Variants in NOTCH1 observed in about 807,000 individuals in gnomAD.
NOTCH1 encodes the protein neurogenic locus notch homolog protein 1.
Under a neutral mutation model 254.8 loss-of-function variants are expected in NOTCH1, and 37 were observed. The observed-to-expected ratio is 0.15, with a 90% CI of 0.11 to 0.19. NOTCH1 has a LOEUF of 0.19. Among genes scored for constraint, NOTCH1 ranks in the 10% least tolerant of loss-of-function variants. The pLI, the probability that NOTCH1 is intolerant of heterozygous loss-of-function variation, is 1.00. For synonymous variants in NOTCH1, 1,731 were observed against 1,618.1 expected (o/e 1.07, Z -1.68); for missense variants, 2,972 against 3,708.6 (o/e 0.80, Z 5.16).
intron 2 of NOTCH1, among the ~76,000 whole-genome samples, chr9:136,535,698 A>T (rs1281429360): frequency 8.2e-5 from 2 of 24,404 alleles, no homozygotes; most frequent in African/African-American, 3.6e-4. Context: ...GATCCCTCCC[A>T]GGGGCAATGG....
Position 136,527,975 on chromosome 9 carries a change from G to A in NOTCH1, c.141-3996C>T, listed in dbSNP as rs953209392. 2.0e-5 allele frequency among the ~76,000 whole-genome samples: 3 copies of A among 152,086 alleles called. No individual in the cohort carries two copies. The East Asian group carries it at 5.8e-4, about 29-fold the overall frequency. On this transcript the variant is annotated intron_variant, in intron 2 of 33. Coordinates refer to ENST00000651671, the MANE Select transcript of NOTCH1 (RefSeq NM_017617.5). ...TGCCAGGGCCGCTCCATGGAAATGC[G>A]ACTCCAGAAAGCAGCAGGAGGCAGA...
intron 7 of NOTCH1, 93 bp from the exon 8 acceptor site, chr9:136,518,030 C>T: frequency 1.3e-6 from 2 of 1,563,736 alleles, no homozygotes; most frequent in South Asian, 2.3e-5. Flanking sequence ...GGCAGGGTCC[C>T]ATCCCCCATC....
At position 136,506,552 on chromosome 9, in the gene NOTCH1, C is replaced by T. The variant is rs1180096756; in HGVS notation, c.3989G>A (p.Arg1330His). 1.2e-5 allele frequency: 20 copies of T among 1,607,928 alleles called. No individual in the cohort carries two copies. Among genetic ancestry groups the T allele is most frequent in the East Asian group, 1.1e-4 (5 of 44,756 alleles). The change falls in exon 24 of 34, where the codon CGC becomes CAC. Residue 1330 changes from arginine (R) to histidine (H), a missense_variant. By Grantham distance (29) the Arg-to-His change is conservative (BLOSUM62 0). Transcript: ENST00000651671. The surrounding 1 kb of genome is among the most constrained non-coding windows in gnomAD (Gnocchi z 4.5). ...GTCAVASNTA[R>H]GFICKCPAGF... is the part of the protein sequence containing the mutation. ...CGCAGGGCACTTGCAGATGAACCCG[C>T]GGGCGGTGTTGGAGGCCACGGCGCA...
chr9:136,497,602 C>T (rs761248492), intron 33 of NOTCH1, 44 bp from the exon 34 acceptor site: 9 of 1,492,122 alleles, frequency 6.0e-6, no homozygotes, highest in South Asian at 1.3e-5. Flanking sequence ...CCAGGCCAGG[C>T]GTGGGGACCC....
chr9:136,499,389 C>T (rs888633371), intron 31 of NOTCH1, 130 bp from the exon 32 acceptor site: 14 of 1,366,762 alleles, frequency 1.0e-5, no homozygotes, highest in South Asian at 2.7e-5. Context: ...GAGATCGGCA[C>T]GGCCGGGCAA....
intron 2 of NOTCH1, among the ~76,000 whole-genome samples, chr9:136,528,588 G>A (rs1206740020): frequency 6.6e-6 from 1 of 150,994 alleles, no homozygotes; most frequent in Non-Finnish European, 1.5e-5. Context: ...GGCCTCTCCG[G>A]TGCACAGGAG....
Position 136,506,687 on chromosome 9 carries a change from C to A in NOTCH1, c.3901+29G>T, listed in dbSNP as rs373559374. The A allele has an allele frequency of 1.3e-6, 2 of 1,595,086 alleles. No individual in the cohort carries two copies. The highest frequency in any genetic ancestry group is 1.7e-6 in the Non-Finnish European group (2 of 1,171,690). The stretch of plus-strand genomic sequence containing the variant: ...GAGAGGCTCACCCTGCTGCCCCACA[C>A]GCCCCACCCGCCTGGGCGCGGCACC... On this transcript the variant is annotated intron_variant, in intron 23 of 33. Transcript: ENST00000651671. This position sits in a 1 kb window ranked among gnomAD's most constrained non-coding sequence, Gnocchi z 4.5.
intron 2 of NOTCH1, among the ~76,000 whole-genome samples, chr9:136,541,435 G>C (rs907125312): frequency 1.6e-4 from 24 of 152,166 alleles, no homozygotes; most frequent in Non-Finnish European, 4.4e-5. Context: ...GGCACCAAAA[G>C]CCAAAGCTCT....
intron 2 of NOTCH1, among the ~76,000 whole-genome samples, chr9:136,539,977 C>T (rs1293686423): frequency 2.6e-5 from 4 of 152,254 alleles, no homozygotes; most frequent in African/African-American, 9.6e-5. Flanking sequence ...CTCAGGCTGG[C>T]TGGGGCTGTG....
In NOTCH1 at chr9:136,496,671, G is replaced by A. The variant is rs1248005744; in HGVS notation, c.7068C>T (p.Ala2356=). 1.2e-6 allele frequency: 2 copies of A among 1,612,924 alleles called. No homozygotes were observed. The highest frequency in any genetic ancestry group is 2.2e-5 in the East Asian group (1 of 44,884). The part of the protein sequence containing the change: ...MVGPLHSSLA[A]SALSQMMSYQ... The stretch of plus-strand genomic sequence containing the variant: ...AGCTCATCATCTGGGACAGGGCGCT[G>A]GCAGCAAGGCTACTGTGCAGCGGGC... Residue 2356 remains alanine (A), a synonymous_variant, in exon 34 of 34, where the codon GCC becomes GCT. Transcript: ENST00000651671.
In NOTCH1 at chr9:136,508,105, C is replaced by T. The variant is rs2133346561; in HGVS notation, c.3360G>A (p.Gly1120=). 1.2e-6 allele frequency: 2 copies of T among 1,608,972 alleles called. No homozygotes were observed. The highest frequency in any genetic ancestry group is 1.1e-5 in the South Asian group (1 of 91,074). The part of the protein sequence containing the change: ...VDVARLCQHG[G]LCVDAGNTHH... ...GCGTGTTGCCCGCGTCCACACAGAG[C>T]CCTCCATGCTGGCACAGGCGGGCAA... The change falls in exon 21 of 34, where the codon GGG becomes GGA. Residue 1120 remains glycine (G), a synonymous_variant. Coordinates refer to ENST00000651671, the MANE Select transcript of NOTCH1 (RefSeq NM_017617.5).
At chr9:136,511,358 C>G in intron 15 of NOTCH1, 87 bp from the exon 16 acceptor site, 1 of 1,497,644 alleles carries the variant, frequency 6.7e-7, no homozygotes, top group African/African-American at 1.4e-5. Flanking sequence ...TTTCCGCCAT[C>G]AGAGTGCCGT....
rs1165200335 is a variant in NOTCH1, at chr9:136,514,647, C to G, written c.2070G>C (p.Gly690=). 1 of 1,612,576 alleles carries G rather than the reference C, an allele frequency of 6.2e-7. No homozygotes were observed. Among genetic ancestry groups the G allele is most frequent in the South Asian group, 1.1e-5 (1 of 91,014 alleles). The change falls in exon 13 of 34, where the codon GGG becomes GGC. Residue 690 remains glycine, a synonymous_variant. Coordinates refer to ENST00000651671, the MANE Select transcript of NOTCH1 (RefSeq NM_017617.5). ...DECAGNPCHN[G]GTCEDGINGF... is the part of the protein sequence containing the mutation. ...CATTGATGCCGTCCTCGCAGGTGCC[C>G]CCGTTGTGGCAGGGGTTGCCCGCAC... is the stretch of plus-strand genomic sequence containing the variant.
At chr9:136,507,246 C>T in intron 22 of NOTCH1, 59 bp downstream of exon 22, 1 of 1,611,494 alleles carries the variant, frequency 6.2e-7, no homozygotes, top group African/African-American at 1.3e-5. Flanking sequence ...GGGGTGCCTG[C>T]CCTGCCCCTG....
chr9:136,505,341 A>C lies in NOTCH1; in HGVS notation c.4555T>G (p.Phe1519Val), dbSNP rs2133338603. ...CNSAGCLFDG[F>V]DCQRAEGQCN... is the part of the protein sequence containing the mutation. Reference sequence around the variant, plus strand: ...TGGCCTTCCGCACGCTGGCAGTCAAAGCCGTCGAAGAGGCAGCCGGCTGAG... The same window carrying C: ...TGGCCTTCCGCACGCTGGCAGTCAACGCCGTCGAAGAGGCAGCCGGCTGAG... Residue 1519 changes from phenylalanine to valine, a missense_variant, in exon 25 of 34, where the codon TTT becomes GTT. By Grantham distance (50) the Phe-to-Val change is conservative. Transcript: ENST00000651671. 1 of 1,596,982 alleles carries C rather than the reference A, an allele frequency of 6.3e-7. No individual in the cohort carries two copies. Among genetic ancestry groups the C allele is most frequent in the Non-Finnish European group, 8.5e-7 (1 of 1,172,250 alleles).
rs1022721357 is a variant in NOTCH1 at position 136,545,603 on chromosome 9, C to G, written c.61+123G>C. The G allele has an allele frequency of 9.3e-6, 7 of 750,608 alleles. No individual in the cohort carries two copies. In the African/African-American group the frequency reaches 1.3e-4, roughly 14 times the overall value. 46.5% of individuals were successfully genotyped at this position (750,608 alleles called of 1,614,324 possible). On this transcript the variant is annotated intron_variant, in intron 1 of 33. Transcript: ENST00000651671. The surrounding 1 kb of genome is among the most constrained non-coding windows in gnomAD (Gnocchi z 6.8). ...AGAACCCCACGCCCCGGGCCGCCCG[C>G]TTTTCCCTCTCCATGCTGGCCTCCC...
At chr9:136,532,646 G>A (rs963479453) in intron 2 of NOTCH1, among the ~76,000 whole-genome samples, 6 of 152,192 alleles carry the variant, frequency 3.9e-5, no homozygotes, top group Non-Finnish European at 7.3e-5. Flanking sequence ...GCAACAATTC[G>A]CGGCAGTCGC....
At chr9:136,512,132 C>T (rs1276357387) in intron 15 of NOTCH1, among the ~76,000 whole-genome samples, 2 of 152,218 alleles carry the variant, frequency 1.3e-5, no homozygotes, top group African/African-American at 2.4e-5. Flanking sequence ...TCAGCACCGC[C>T]GCTCCTCCTG....
chr9:136,521,395 C>A (rs1843364392), intron 4 of NOTCH1, among the ~76,000 whole-genome samples: 1 of 152,058 alleles, frequency 6.6e-6, no homozygotes. Context: ...CCTGCACGGG[C>A]AGTGGCTCTG....
Sources: gnomAD v4.1 joint callset for allele counts (sites outside exome capture counted in the v4.1 genomes callset) on GRCh38, gnomAD v4.1.1 for gene constraint, Gnocchi (gnomAD v3.1) non-coding constraint, MANE v1.5 for transcripts, NCBI Gene and HGNC (gene_info 2026-07-23, HGNC 2026-07-21) for gene names.